Variants in DSCAM observed in about 807,000 individuals in gnomAD.
DSCAM encodes the protein DS cell adhesion molecule.
Under a neutral mutation model 217.7 loss-of-function variants are expected in DSCAM, and 47 were observed. The observed-to-expected ratio is 0.22, with a 90% CI of 0.17 to 0.28. The LOEUF (loss-of-function observed/expected upper bound fraction) is 0.28, where lower values mean the gene tolerates loss of function less well. Ranked by LOEUF, DSCAM falls within the 10% of genes least tolerant of loss-of-function variation. DSCAM has a pLI of 1.00. For synonymous variants in DSCAM, 1,056 were observed against 1,015.3 expected, an observed-to-expected ratio of 1.04 and a Z score of -0.76; for missense variants, 2,080 against 2,618.3, an observed-to-expected ratio of 0.79 and a Z score of 4.49.
At chr21:40,622,216 C>T (rs2089529539) in intron 3 of DSCAM, among the ~76,000 whole-genome samples, 2 of 152,168 alleles carry the variant, frequency 1.3e-5, no homozygotes, top group South Asian at 4.2e-4. Context: ...CCCCTGAAGT[C>T]AACGTACTTT....
At chr21:40,468,510 G>A in intron 3 of DSCAM, among the ~76,000 whole-genome samples, 1 of 152,054 alleles carries the variant, frequency 6.6e-6, no homozygotes, top group East Asian at 1.9e-4. Context: ...GGAGTAAATG[G>A]AAAAACAGCA....
At chr21:40,170,275 A>G (rs1266120656) in intron 15 of DSCAM, among the ~76,000 whole-genome samples, 2 of 152,070 alleles carry the variant, frequency 1.3e-5, no homozygotes, top group South Asian at 2.1e-4. Flanking sequence ...TAGTGTGCAT[A>G]TATGTTTGCG....
chr21:40,775,597 G>C (rs1427286213), intron 1 of DSCAM, among the ~76,000 whole-genome samples: 1 of 152,174 alleles, frequency 6.6e-6, no homozygotes, highest in Admixed American at 6.5e-5. Flanking sequence ...CTCTCTGAGA[G>C]CTGGGACAGA....
At chr21:40,070,620 A>G (rs539089509) in intron 27 of DSCAM, among the ~76,000 whole-genome samples, 31 of 152,276 alleles carry the variant, frequency 2.0e-4, no homozygotes, top group Middle Eastern at 3.4e-3. Context: ...TGGGGCATCT[A>G]TTGAAACTTT....
chr21:40,375,889 G>T, intron 3 of DSCAM, among the ~76,000 whole-genome samples: 1 of 152,210 alleles, frequency 6.6e-6, no homozygotes, highest in East Asian at 1.9e-4. Flanking sequence ...AAAAGAGTTT[G>T]TTCTCCTCCA....
intron 8 of DSCAM, among the ~76,000 whole-genome samples, chr21:40,331,849 G>T (rs2074380921): frequency 6.6e-6 from 1 of 152,142 alleles, no homozygotes; most frequent in South Asian, 2.1e-4. Context: ...AAAGCTTGGT[G>T]CTTCTTAGAC....
intron 3 of DSCAM, among the ~76,000 whole-genome samples, chr21:40,641,255 G>T (rs1331575887): frequency 1.3e-5 from 2 of 152,128 alleles, no homozygotes; most frequent in Non-Finnish European, 2.9e-5. Flanking sequence ...GTGGCCCCAT[G>T]GGTGTGGTCT....
intron 3 of DSCAM, among the ~76,000 whole-genome samples, chr21:40,524,299 CTTTA>C (rs2076383070): frequency 6.6e-6 from 1 of 151,924 alleles, no homozygotes; most frequent in South Asian, 2.1e-4. Flanking sequence ...TTTCCGAAAC[CTTTA>C]TTTTTCGTTA....
chr21:40,201,324 T>C (rs1193901205), intron 11 of DSCAM, among the ~76,000 whole-genome samples: 1 of 152,022 alleles, frequency 6.6e-6, no homozygotes, highest in Non-Finnish European at 1.5e-5. Context: ...CCAAAAGATA[T>C]CAAAAACAGT....
At chr21:40,539,059 G>A (rs542048498) in intron 3 of DSCAM, among the ~76,000 whole-genome samples, 2 of 150,682 alleles carry the variant, frequency 1.3e-5, no homozygotes, top group African/African-American at 5.0e-5. Context: ...GCTGACCACA[G>A]CCCAGTGATT....
chr21:40,586,768 C>G (rs1197070903), intron 3 of DSCAM, among the ~76,000 whole-genome samples: 1 of 152,202 alleles, frequency 6.6e-6, no homozygotes, highest in Non-Finnish European at 1.5e-5. Context: ...GAACACTACC[C>G]TGCCATGTCA....
At chr21:40,630,166 T>C (rs1404439746) in intron 3 of DSCAM, among the ~76,000 whole-genome samples, 1 of 152,136 alleles carries the variant, frequency 6.6e-6, no homozygotes, top group Non-Finnish European at 1.5e-5. Context: ...GCACAAAGTA[T>C]GTCTAATATT....
rs534013228 is a variant in DSCAM, at chr21:40,717,274, G to A, written c.44-8503C>T. Among the ~76,000 whole-genome samples, 3 of 152,360 alleles carry A rather than the reference G, an allele frequency of 2.0e-5. No individual in the cohort carries two copies. In the East Asian group the frequency reaches 5.8e-4, roughly 29 times the overall value. On this transcript the variant is annotated intron_variant, in intron 1 of 32. Coordinates refer to ENST00000400454, the MANE Select transcript of DSCAM (RefSeq NM_001389.5). ...GATTATAAAGTCAAGATTGTAAAGA[G>A]TGTCAGGTGCCAAGCTAAAAAGCAT... is the stretch of plus-strand genomic sequence containing the variant.
At chr21:40,743,474 A>G (rs916547810) in intron 1 of DSCAM, among the ~76,000 whole-genome samples, 1 of 152,168 alleles carries the variant, frequency 6.6e-6, no homozygotes, top group Non-Finnish European at 1.5e-5. Context: ...GTTCTCCATA[A>G]ATTATATTTT....
intron 15 of DSCAM, among the ~76,000 whole-genome samples, chr21:40,172,810 T>C (rs923549452): frequency 5.9e-5 from 9 of 152,042 alleles, no homozygotes; most frequent in African/African-American, 2.2e-4. Flanking sequence ...AAAAAATATA[T>C]AAATTTTTAA....
At chr21:40,677,879 C>A (rs1466961900) in intron 3 of DSCAM, among the ~76,000 whole-genome samples, 13 of 152,104 alleles carry the variant, frequency 8.5e-5, no homozygotes, top group Admixed American at 8.5e-4. Context: ...CTTAGAATTC[C>A]CAGCCTCCAG....
chr21:40,044,031 G>T, intron 31 of DSCAM, 47 bp downstream of exon 31: 1 of 1,602,570 alleles, frequency 6.2e-7, no homozygotes, highest in Non-Finnish European at 8.5e-7. Context: ...CAAGGTGCGG[G>T]GGCCGTGCTG....
chr21:40,546,647 GT>G (rs1461155357), intron 3 of DSCAM, among the ~76,000 whole-genome samples: 1 of 152,140 alleles, frequency 6.6e-6, no homozygotes, highest in Non-Finnish European at 1.5e-5. Context: ...TGGTTTGTCA[GT>G]TTTTTTATAT....
chr21:40,655,444 C>T (rs898079602), intron 3 of DSCAM, among the ~76,000 whole-genome samples: 3 of 107,480 alleles, frequency 2.8e-5, no homozygotes, highest in African/African-American at 7.5e-5. Flanking sequence ...CAATCTGTCT[C>T]TCTTTTTTTT....
Sources: allele counts gnomAD v4.1 joint callset (sites outside exome capture counted in the v4.1 genomes callset), GRCh38; gene constraint gnomAD v4.1.1; transcripts MANE v1.5; gene names NCBI Gene and HGNC (gene_info 2026-07-23, HGNC 2026-07-21).